The following ITGA9 variants were observed in gnomAD, a reference collection of about 807,000 sequenced individuals.
ITGA9 encodes the protein integrin subunit alpha 9.
A neutral mutation model predicts 127.8 loss-of-function variants in ITGA9; 56 were observed. The ratio of observed to expected loss-of-function variants is 0.44; its 90% CI spans 0.35 to 0.55. The LOEUF is 0.55. Ranked by LOEUF, ITGA9 falls within the 20% of genes least tolerant of loss-of-function variation. ITGA9 has a pLI of 0.00. For missense variants in ITGA9, 1,196 were observed against 1,347.1 expected (o/e 0.89, Z 1.76); for synonymous variants, 508 against 514.5 (o/e 0.99, Z 0.17).
At chr3:37,588,389 G>A (rs2125613723) in intron 15 of ITGA9, among the ~76,000 whole-genome samples, 1 of 146,304 alleles carries the variant, frequency 6.8e-6, no homozygotes, top group East Asian at 2.1e-4. Context: ...ATGCGTGTGT[G>A]GACACCCATC....
At chr3:37,690,860 A>C (rs1324936252) in intron 18 of ITGA9, among the ~76,000 whole-genome samples, 1 of 152,168 alleles carries the variant, frequency 6.6e-6, no homozygotes, top group Non-Finnish European at 1.5e-5. Context: ...GAGGTGAAAC[A>C]ATGGTAGGGA....
intron 3 of ITGA9, among the ~76,000 whole-genome samples, chr3:37,478,072 C>T (rs17227404): frequency 0.11 from 16,086 of 152,142 alleles, 1,038 homozygotes; most frequent in Middle Eastern, 0.16. Context: ...ATTAGGTGAA[C>T]GTCCTCAGAA....
rs1698723723 is a variant in ITGA9, at chr3:37,495,984, C to G, written c.612+1416C>G. ...CTTGGCTCCCTGAGGCCACCTCTCT[C>G]TTTTCCTCACTCCAGGAGAGCAGAG... is the stretch of plus-strand genomic sequence containing the variant. On this transcript the variant is annotated intron_variant, in intron 5 of 27. Coordinates refer to ENST00000264741, the MANE Select transcript of ITGA9 (RefSeq NM_002207.3). 3.9e-5 allele frequency among the ~76,000 whole-genome samples: 6 copies of G among 152,292 alleles called. No homozygotes were observed. The South Asian group carries it at 1.2e-3, about 32-fold the overall frequency.
chr3:37,498,203 G>A (rs995649246), intron 5 of ITGA9, among the ~76,000 whole-genome samples: 2 of 152,194 alleles, frequency 1.3e-5, no homozygotes, highest in African/African-American at 2.4e-5. Flanking sequence ...TTTAGAGGAC[G>A]TTTGGACTTA....
intron 14 of ITGA9, among the ~76,000 whole-genome samples, chr3:37,538,159 C>T (rs1699229525): frequency 6.6e-6 from 1 of 152,180 alleles, no homozygotes; most frequent in Non-Finnish European, 1.5e-5. Context: ...GCACTCTGAC[C>T]CAGTGCTCCT....
At chr3:37,748,696 C>T (rs560180259) in intron 22 of ITGA9, 18 of 540,664 alleles carry the variant, frequency 3.3e-5, no homozygotes, top group Non-Finnish European at 5.9e-5. Flanking sequence ...TGCAGTGAGC[C>T]GAGGTTGGCC....
intron 13 of ITGA9, among the ~76,000 whole-genome samples, chr3:37,528,183 G>A (rs530778623): frequency 9.2e-5 from 14 of 152,306 alleles, no homozygotes; most frequent in Non-Finnish European, 1.9e-4. Flanking sequence ...CCTGCTGTGA[G>A]CTTAATCCAA....
intron 15 of ITGA9, among the ~76,000 whole-genome samples, chr3:37,578,147 A>G (rs987918438): frequency 6.6e-6 from 1 of 152,214 alleles, no homozygotes. Flanking sequence ...AGAAATGTTC[A>G]ATGAGGGGAA....
At chr3:37,748,951 GAAA>G in intron 22 of ITGA9, 1 of 608,638 alleles carries the variant, frequency 1.6e-6, no homozygotes, top group Non-Finnish European at 2.9e-6. Context: ...AAAAAAAAAA[GAAA>G]AAAGAAAAAT....
In ITGA9 at chr3:37,736,885, C is replaced by T; in HGVS notation, c.2155-19C>T. ...TTGGAATGCCTGCTGATGCCAAATA[C>T]CACTTCCTTTTTCACTAGTATGAAT... On this transcript the variant is annotated intron_variant, in intron 19 of 27. Transcript: ENST00000264741. 1 of 1,570,848 alleles carries T rather than the reference C, an allele frequency of 6.4e-7. No homozygotes were observed. Among genetic ancestry groups the T allele is most frequent in the Non-Finnish European group, 8.8e-7 (1 of 1,140,688 alleles).
intron 17 of ITGA9, among the ~76,000 whole-genome samples, chr3:37,667,934 A>C (rs78400385): frequency 0.013 from 1,992 of 152,284 alleles, 45 homozygotes; most frequent in African/African-American, 0.045. Flanking sequence ...AGGTGGAAAC[A>C]AGTTTTGGAA....
chr3:37,651,570 G>A (rs1700430028), intron 16 of ITGA9, among the ~76,000 whole-genome samples: 1 of 152,134 alleles, frequency 6.6e-6, no homozygotes, highest in African/African-American at 2.4e-5. Flanking sequence ...CAATCCTCTT[G>A]GGACATCATT....
chr3:37,616,879 G>A (rs1273798834), intron 15 of ITGA9, among the ~76,000 whole-genome samples: 1 of 151,390 alleles, frequency 6.6e-6, no homozygotes, highest in African/African-American at 2.4e-5. Flanking sequence ...AGATGGGTCT[G>A]CTGAATACAG....
chr3:37,624,396 C>G (rs915481314), intron 15 of ITGA9, among the ~76,000 whole-genome samples: 2 of 151,576 alleles, frequency 1.3e-5, no homozygotes, highest in Admixed American at 1.3e-4. Flanking sequence ...AGATGAGGTC[C>G]CCTCTTCTCC....
intron 17 of ITGA9, among the ~76,000 whole-genome samples, chr3:37,672,937 C>CTT (rs1345355155): frequency 6.6e-6 from 1 of 151,040 alleles, no homozygotes; most frequent in Admixed American, 6.6e-5. Context: ...AGAGCAATAC[C>CTT]TTTCTTGGTT....
At chr3:37,804,029 G>T in intron 27 of ITGA9, 87 bp downstream of exon 27, 1 of 1,591,906 alleles carries the variant, frequency 6.3e-7, no homozygotes, top group Non-Finnish European at 8.6e-7. Flanking sequence ...GGAGTATCCT[G>T]TTAGAGCTTC....
intron 23 of ITGA9, among the ~76,000 whole-genome samples, chr3:37,759,158 TCAGAGGCTGC>T (rs1346342488): frequency 3.3e-5 from 5 of 150,622 alleles, no homozygotes; most frequent in Non-Finnish European, 7.4e-5. Flanking sequence ...AGCAGAAACA[TCAGAGGCTGC>T]ACACTCCAGG....
At position 37,819,689 on chromosome 3, in the gene ITGA9, C is replaced by T. The variant is rs1697488251; in HGVS notation, c.*700C>T. 1.3e-5 allele frequency: 2 copies of T among 152,342 alleles called. No homozygotes were observed. Among genetic ancestry groups the T allele is most frequent in the Admixed American group, 1.3e-4 (2 of 15,292 alleles). 9.4% of individuals were successfully genotyped at this position (152,342 alleles called of 1,614,324 possible). A position where few individuals can be genotyped will look rare whatever the true frequency, so the allele number is the denominator to read the frequency against. On this transcript the variant is annotated 3_prime_UTR_variant, in exon 28 of 28. Transcript: ENST00000264741. ...GTACTTTTCATTGGAAGATTCCCAA[C>T]AAGAATTTGGATGGAAAACCTGATC...
chr3:37,710,269 C>G (rs1701064059), intron 18 of ITGA9, among the ~76,000 whole-genome samples: 1 of 152,128 alleles, frequency 6.6e-6, no homozygotes, highest in South Asian at 2.1e-4. Flanking sequence ...TAGTAAGTAG[C>G]AGAGCTGAGA....
Sources: gnomAD v4.1 joint callset for allele counts (sites outside exome capture counted in the v4.1 genomes callset) on GRCh38, gnomAD v4.1.1 for gene constraint, MANE v1.5 for transcripts, NCBI Gene and HGNC (gene_info 2026-07-23, HGNC 2026-07-21) for gene names.